LARP4B: variants seen among roughly 807,000 people sequenced by gnomAD.
The protein encoded by LARP4B is la-related protein 4B.
LARP4B carries 12 observed loss-of-function variants against 89.8 expected under a neutral mutation model. The ratio of observed to expected loss-of-function variants is 0.13; its 90% CI spans 0.09 to 0.22. The LOEUF (loss-of-function observed/expected upper bound fraction) is 0.22. LARP4B is among the 10% of genes least tolerant of loss of function. The pLI, the probability that LARP4B is intolerant of heterozygous loss-of-function variation, is 1.00. For missense variants in LARP4B, 757 were observed against 947.7 expected (o/e 0.80, Z 2.64); for synonymous variants, 367 against 363.3 (o/e 1.01, Z -0.12).
At chr10:879,389 CA>C (rs1835581311) in intron 3 of LARP4B, among the ~76,000 whole-genome samples, 1 of 152,220 alleles carries the variant, frequency 6.6e-6, no homozygotes, top group South Asian at 2.1e-4. Flanking sequence ...ATTGTTTTGT[CA>C]CTAAATCATG....
upstream of LARP4B, among the ~76,000 whole-genome samples, chr10:936,801 G>T (rs1466517825): frequency 6.6e-6 from 1 of 152,116 alleles, no homozygotes; most frequent in Non-Finnish European, 1.5e-5. Context: ...AGTATCTCCA[G>T]CCACAAAAGC....
intron 7 of LARP4B, 94 bp downstream of exon 7, chr10:842,838 C>G: frequency 1.7e-6 from 2 of 1,172,028 alleles, no homozygotes; most frequent in Non-Finnish European, 2.4e-6. Context: ...CATCAAGGAC[C>G]TTAACGTTTG....
At chr10:962,298 CAAAAA>C in the LARP4B span, among the ~76,000 whole-genome samples, 1 of 60,600 alleles carries the variant, frequency 1.7e-5, no homozygotes, top group Non-Finnish European at 3.5e-5. Context: ...ACTCCATCTC[CAAAAA>C]AAAAAAAAAA....
chr10:813,363 T>C (rs1043613614), intron 17 of LARP4B, 150 bp from the exon 18 acceptor site: 23 of 767,384 alleles, frequency 3.0e-5, no homozygotes, highest in Admixed American at 1.4e-4. Flanking sequence ...GTTCATAAAA[T>C]CTAATGATTT....
At chr10:842,731 G>T (rs181903567) in intron 7 of LARP4B, among the ~76,000 whole-genome samples, 20 of 152,084 alleles carry the variant, frequency 1.3e-4, no homozygotes, top group African/African-American at 4.6e-4. Flanking sequence ...GTTTCATAAC[G>T]GGTTCAACTG....
chr10:897,399 T>C (rs1340319173), intron 1 of LARP4B, among the ~76,000 whole-genome samples: 1 of 152,156 alleles, frequency 6.6e-6, no homozygotes. Context: ...GAACTAAATG[T>C]AAAAGCTAAA....
intron 3 of LARP4B, among the ~76,000 whole-genome samples, chr10:877,056 C>T (rs952711316): frequency 6.6e-6 from 1 of 152,102 alleles, no homozygotes; most frequent in African/African-American, 2.4e-5. Flanking sequence ...AGCAGAGGTC[C>T]GAGGCGGCTC....
At chr10:932,647 T>C (rs1433317104), upstream of LARP4B, among the ~76,000 whole-genome samples, 4 of 9,680 alleles carry the variant, frequency 4.1e-4, no homozygotes, top group Non-Finnish European at 5.8e-4. Flanking sequence ...TGCCCCAAAC[T>C]CCCACCCCAC....
the LARP4B span, among the ~76,000 whole-genome samples, chr10:945,638 G>A: frequency 6.6e-6 from 1 of 150,428 alleles, no homozygotes; most frequent in East Asian, 2.0e-4. Context: ...CAGTGAGCCA[G>A]GATCACGCCA....
chr10:924,771 T>G (rs1157927374), intron 1 of LARP4B, among the ~76,000 whole-genome samples: 1 of 152,228 alleles, frequency 6.6e-6, no homozygotes, highest in Non-Finnish European at 1.5e-5. Context: ...CGGATGTCAG[T>G]GCACTGCACT....
At chr10:895,526 A>G (rs766421542) in intron 1 of LARP4B, among the ~76,000 whole-genome samples, 30 of 152,092 alleles carry the variant, frequency 2.0e-4, no homozygotes, top group South Asian at 4.2e-4. Flanking sequence ...TGGTGAAACC[A>G]TGTGTCTACT....
the LARP4B span, among the ~76,000 whole-genome samples, chr10:970,177 T>A: frequency 1.6e-4 from 25 of 152,360 alleles, no homozygotes; most frequent in Admixed American, 1.6e-3. Context: ...CCTATACTTA[T>A]GGATTCGATG....
chr10:972,774 A>T, the LARP4B span: 1 of 456,848 alleles, frequency 2.2e-6, no homozygotes, highest in East Asian at 6.9e-5. Context: ...GTTAGAAAAT[A>T]AAGAAGATGC....
the LARP4B span, among the ~76,000 whole-genome samples, chr10:937,907 C>T: frequency 3.4e-4 from 51 of 151,902 alleles, no homozygotes; most frequent in Non-Finnish European, 2.9e-4. Context: ...TATTTTGAGA[C>T]GGAGTCTTGC....
chr10:836,067 GT>G (rs34751155), intron 8 of LARP4B, among the ~76,000 whole-genome samples: 24,036 of 151,842 alleles, frequency 0.16, 2,057 homozygotes, highest in Non-Finnish European at 0.19. Flanking sequence ...GTTTTGAAAA[GT>G]TTTTTTTATC....
chr10:896,906 T>C (rs1836204373), intron 1 of LARP4B, among the ~76,000 whole-genome samples: 1 of 151,930 alleles, frequency 6.6e-6, no homozygotes, highest in South Asian at 2.1e-4. Flanking sequence ...TGGGAAGACA[T>C]GGTATTTTTA....
At chr10:898,217 T>C (rs1836244421) in intron 1 of LARP4B, among the ~76,000 whole-genome samples, 1 of 152,228 alleles carries the variant, frequency 6.6e-6, no homozygotes, top group African/African-American at 2.4e-5. Flanking sequence ...GGATGACTAT[T>C]ATCAGAAAGA....
the LARP4B span, among the ~76,000 whole-genome samples, chr10:939,404 A>T: frequency 6.6e-6 from 1 of 152,224 alleles, no homozygotes; most frequent in Admixed American, 6.5e-5. Flanking sequence ...GATGTATTTT[A>T]TAACTCTCTA....
chr10:932,195 ATCCCACCC>A (rs1830652157), upstream of LARP4B, among the ~76,000 whole-genome samples: 1 of 30,780 alleles, frequency 3.2e-5, no homozygotes. Flanking sequence ...CGAACCCCTC[ATCCCACCC>A]CCAGGACCCA....
Sources: allele counts gnomAD v4.1 joint callset (sites outside exome capture counted in the v4.1 genomes callset), GRCh38; gene constraint gnomAD v4.1.1; transcripts MANE v1.5; gene names NCBI Gene and HGNC (gene_info 2026-07-23, HGNC 2026-07-21).